Variants in PCDH15 observed in about 807,000 individuals in gnomAD.
The protein encoded by PCDH15 is protocadherin related 15, also known as protocadherin-15.
PCDH15 carries 129 observed loss-of-function variants against 178.5 expected under a neutral mutation model. The ratio of observed to expected loss-of-function variants is 0.72; its 90% CI spans 0.63 to 0.84. The LOEUF (loss-of-function observed/expected upper bound fraction) is 0.84, where lower values mean the gene tolerates loss of function less well. PCDH15 is among the 40% of genes least tolerant of loss of function. The pLI, the probability that PCDH15 is intolerant of heterozygous loss-of-function variation, is 0.00. For missense variants in PCDH15, 2,230 were observed against 2,099.9 expected, an observed-to-expected ratio of 1.06 and a Z score of -1.21; for synonymous variants, 800 against 732.0, an observed-to-expected ratio of 1.09 and a Z score of -1.50.
chr10:55,533,436 T>C (rs977990192), intron 2 of PCDH15, among the ~76,000 whole-genome samples: 2 of 152,116 alleles, frequency 1.3e-5, no homozygotes, highest in Admixed American at 1.3e-4. Context: ...ACACTAATAA[T>C]GTCCAGGCTG....
chr10:55,334,238 A>ATGTGTG (rs1342496492), intron 2 of PCDH15, among the ~76,000 whole-genome samples: 9 of 97,310 alleles, frequency 9.2e-5, no homozygotes, highest in Middle Eastern at 4.3e-3. Flanking sequence ...ATATATATAT[A>ATGTGTG]TATATGTGTG....
chr10:54,174,451 C>T (rs183890454), intron 13 of PCDH15, among the ~76,000 whole-genome samples: 46 of 151,954 alleles, frequency 3.0e-4, no homozygotes, highest in Non-Finnish European at 4.7e-4. Flanking sequence ...AGGAGAATGG[C>T]GTGAACTCGG....
intron 2 of PCDH15, among the ~76,000 whole-genome samples, chr10:54,931,820 T>G (rs948318618): frequency 6.6e-6 from 1 of 152,180 alleles, no homozygotes; most frequent in African/African-American, 2.4e-5. Context: ...GCATTTCATG[T>G]CTTTTGTTTC....
At chr10:54,950,816 G>T (rs1004789688) in intron 2 of PCDH15, among the ~76,000 whole-genome samples, 10 of 151,844 alleles carry the variant, frequency 6.6e-5, no homozygotes, top group Non-Finnish European at 1.3e-4. Flanking sequence ...AAGATTTTGG[G>T]TGGGGACATA....
At chr10:55,218,309 T>C (rs1345202796) in intron 1 of PCDH15, among the ~76,000 whole-genome samples, 1 of 151,924 alleles carries the variant, frequency 6.6e-6, no homozygotes, top group African/African-American at 2.4e-5. Context: ...ATGGAGTACA[T>C]TGTATATTAA....
intron 3 of PCDH15, among the ~76,000 whole-genome samples, chr10:54,851,400 A>G (rs1295227661): frequency 6.6e-6 from 1 of 152,176 alleles, no homozygotes; most frequent in African/African-American, 2.4e-5. Flanking sequence ...AATTATTAAT[A>G]AATATGGTGT....
At chr10:54,759,269 C>A (rs1233589111) in intron 1 of PCDH15, among the ~76,000 whole-genome samples, 1 of 152,096 alleles carries the variant, frequency 6.6e-6, no homozygotes, top group Non-Finnish European at 1.5e-5. Context: ...CGGGCAAACA[C>A]CTAAATTTTC....
chr10:54,494,469 C>T (rs117638471), intron 3 of PCDH15, among the ~76,000 whole-genome samples: 1 of 152,212 alleles, frequency 6.6e-6, no homozygotes, highest in East Asian at 1.9e-4. Flanking sequence ...TAACCAATTT[C>T]GGTTAAGTTT....
intron 32 of PCDH15, chr10:53,823,115 T>TGATACTTGACTTATGTTTTCCTTATAA (rs778099253): frequency 1.7e-5 from 27 of 1,613,930 alleles, no homozygotes; most frequent in Non-Finnish European, 2.0e-5. Flanking sequence ...CTGAATTTGT[T>TGATACTTGACTTATGTTTTCCTTATAA]GATACTTGAC....
chr10:54,804,464 G>GA (rs1952741856), upstream of PCDH15, among the ~76,000 whole-genome samples: 1 of 152,014 alleles, frequency 6.6e-6, no homozygotes, highest in Non-Finnish European at 1.5e-5. Flanking sequence ...TTATTGTAGA[G>GA]ACCATGCTGA....
intron 2 of PCDH15, among the ~76,000 whole-genome samples, chr10:55,379,952 C>T (rs566153575): frequency 6.6e-6 from 1 of 151,826 alleles, no homozygotes; most frequent in Admixed American, 6.6e-5. Flanking sequence ...TAATACTAAC[C>T]AAAGAATAAA....
At chr10:53,982,993 T>G (rs114738011) in intron 21 of PCDH15, among the ~76,000 whole-genome samples, 41 of 152,180 alleles carry the variant, frequency 2.7e-4, no homozygotes, top group African/African-American at 9.6e-4. Flanking sequence ...AGCAATCACA[T>G]TGTAGCAGGG....
At chr10:55,207,419 A>G (rs1840432032) in intron 1 of PCDH15, among the ~76,000 whole-genome samples, 3 of 152,060 alleles carry the variant, frequency 2.0e-5, no homozygotes, top group African/African-American at 7.3e-5. Flanking sequence ...AGTAACCACT[A>G]TGCATTTCAC....
Position 54,618,023 on chromosome 10 carries a change from T to C in PCDH15, c.91+46149A>G, listed in dbSNP as rs1276250508. ...AGAATGAGAGTATTCAGCCCAACTG[T>C]AACTTTGTTTTCAAGATATATTAGA... On this transcript the variant is annotated intron_variant, in intron 2 of 37. Transcript: ENST00000644397. Among the ~76,000 whole-genome samples, 3 of 152,030 alleles carry C rather than the reference T, an allele frequency of 2.0e-5. No individual in the cohort carries two copies. In the East Asian group the frequency reaches 5.8e-4, roughly 29 times the overall value.
At chr10:54,895,931 G>C (rs1212806041) in intron 3 of PCDH15, among the ~76,000 whole-genome samples, 2 of 150,192 alleles carry the variant, frequency 1.3e-5, no homozygotes, top group African/African-American at 2.4e-5. Context: ...CTGTTGCCCA[G>C]GCTAGAGTGC....
At chr10:54,360,480 G>A (rs895214916) in intron 5 of PCDH15, among the ~76,000 whole-genome samples, 1 of 151,880 alleles carries the variant, frequency 6.6e-6, no homozygotes, top group Non-Finnish European at 1.5e-5. Flanking sequence ...CTGGCATTTT[G>A]GTAAAAATTA....
chr10:54,453,443 G>T (rs2076609725), intron 3 of PCDH15, among the ~76,000 whole-genome samples: 1 of 151,912 alleles, frequency 6.6e-6, no homozygotes, highest in African/African-American at 2.4e-5. Flanking sequence ...TCATAGGTGG[G>T]AATTGAACAA....
At chr10:55,353,456 T>C (rs1047041875) in intron 2 of PCDH15, among the ~76,000 whole-genome samples, 3 of 152,088 alleles carry the variant, frequency 2.0e-5, no homozygotes, top group African/African-American at 7.2e-5. Context: ...AAATAAAAAA[T>C]ATCCTGGTTC....
At chr10:54,034,553 A>G (rs765346748) in intron 18 of PCDH15, among the ~76,000 whole-genome samples, 41 of 152,086 alleles carry the variant, frequency 2.7e-4, no homozygotes, top group South Asian at 8.3e-4. Flanking sequence ...CAACACAGTA[A>G]TTTAAATTAG....
Sources: allele counts gnomAD v4.1 joint callset (sites outside exome capture counted in the v4.1 genomes callset), GRCh38; gene constraint gnomAD v4.1.1; transcripts MANE v1.5; gene names NCBI Gene and HGNC (gene_info 2026-07-23, HGNC 2026-07-21).